The following ARHGAP15 variants were observed in gnomAD, a reference collection of about 807,000 sequenced individuals.
ARHGAP15 encodes the protein Rho GTPase activating protein 15.
In ARHGAP15, 51 loss-of-function variants were observed where a neutral mutation model predicts 63.7. The observed-to-expected ratio is 0.80, with a 90% CI of 0.64 to 1.01. ARHGAP15 has a LOEUF of 1.01. ARHGAP15 is among the 50% of genes least tolerant of loss of function. ARHGAP15 has a pLI of 0.00. For synonymous variants in ARHGAP15, 191 were observed against 193.8 expected, an observed-to-expected ratio of 0.99 and a Z score of 0.12; for missense variants, 560 against 564.6, an observed-to-expected ratio of 0.99 and a Z score of 0.08.
intron 1 of ARHGAP15, among the ~76,000 whole-genome samples, chr2:143,152,863 A>T (rs1457983092): frequency 1.3e-5 from 2 of 151,914 alleles, no homozygotes; most frequent in Non-Finnish European, 2.9e-5. Context: ...TGAGGGCTGG[A>T]GGAGAGACAG....
chr2:143,322,221 A>C (rs541289256), intron 6 of ARHGAP15, among the ~76,000 whole-genome samples: 1 of 152,164 alleles, frequency 6.6e-6, no homozygotes, highest in Non-Finnish European at 1.5e-5. Context: ...ACTCCTAAGC[A>C]GTTTGTTTCT....
intron 13 of ARHGAP15, 22 bp from the exon 14 acceptor site, chr2:143,767,965 ATT>A: frequency 6.3e-7 from 1 of 1,582,952 alleles, no homozygotes; most frequent in Non-Finnish European, 8.6e-7. Context: ...CAGTGAAATT[ATT>A]TTTTTTTCTC....
At chr2:143,594,587 G>T (rs1697441557) in intron 11 of ARHGAP15, among the ~76,000 whole-genome samples, 1 of 152,096 alleles carries the variant, frequency 6.6e-6, no homozygotes, top group African/African-American at 2.4e-5. Flanking sequence ...TCTTATAATT[G>T]ATCAGCTTTG....
At chr2:143,249,799 C>T (rs1680058650) in intron 5 of ARHGAP15, among the ~76,000 whole-genome samples, 2 of 152,214 alleles carry the variant, frequency 1.3e-5, no homozygotes, top group African/African-American at 4.8e-5. Flanking sequence ...GTAATACCCA[C>T]ATTGTAATTG....
chr2:143,377,208 A>G (rs1426393954), intron 6 of ARHGAP15, among the ~76,000 whole-genome samples: 1 of 152,056 alleles, frequency 6.6e-6, no homozygotes, highest in African/African-American at 2.4e-5. Flanking sequence ...GCCAATACTT[A>G]CCAAATGAAG....
At chr2:143,375,914 G>A (rs1450212888) in intron 6 of ARHGAP15, among the ~76,000 whole-genome samples, 3 of 152,270 alleles carry the variant, frequency 2.0e-5, no homozygotes, top group Non-Finnish European at 2.9e-5. Flanking sequence ...TATGAGAAGC[G>A]CAAGCTCTCT....
At chr2:143,419,401 C>A (rs1383237093) in intron 6 of ARHGAP15, among the ~76,000 whole-genome samples, 1 of 151,854 alleles carries the variant, frequency 6.6e-6, no homozygotes, top group Non-Finnish European at 1.5e-5. Context: ...ACAATCTCTT[C>A]TAAGAAAAAC....
At chr2:143,288,075 G>C (rs1574216629) in intron 6 of ARHGAP15, among the ~76,000 whole-genome samples, 1 of 152,200 alleles carries the variant, frequency 6.6e-6, no homozygotes, top group Admixed American at 6.5e-5. Flanking sequence ...AAAGCTCTTT[G>C]CATTTGATGA....
chr2:143,235,099 A>C (rs1156760299), intron 5 of ARHGAP15, among the ~76,000 whole-genome samples: 4 of 152,210 alleles, frequency 2.6e-5, no homozygotes, highest in African/African-American at 7.2e-5. Flanking sequence ...ACTTCATAAG[A>C]ATATGTATTG....
chr2:143,381,213 T>G (rs1457954136), intron 6 of ARHGAP15, among the ~76,000 whole-genome samples: 1 of 152,164 alleles, frequency 6.6e-6, no homozygotes, highest in African/African-American at 2.4e-5. Flanking sequence ...AAGAGTTGTT[T>G]GGCTTTGCTG....
intron 11 of ARHGAP15, among the ~76,000 whole-genome samples, chr2:143,600,794 G>A (rs538241330): frequency 6.8e-4 from 104 of 152,180 alleles, no homozygotes; most frequent in African/African-American, 2.5e-3. Context: ...TGAACTCTCA[G>A]TTGATTTTAG....
intron 6 of ARHGAP15, among the ~76,000 whole-genome samples, chr2:143,287,701 G>T (rs978656101): frequency 6.6e-6 from 1 of 152,008 alleles, no homozygotes; most frequent in African/African-American, 2.4e-5. Flanking sequence ...TACTCGGGAG[G>T]GTGAGGCAGG....
chr2:143,492,842 G>C (rs1692644324), intron 9 of ARHGAP15, among the ~76,000 whole-genome samples: 1 of 152,024 alleles, frequency 6.6e-6, no homozygotes, highest in Non-Finnish European at 1.5e-5. Flanking sequence ...AGATCACGAG[G>C]TCAGGAGATC....
At chr2:143,569,012 A>G (rs1355057342) in intron 11 of ARHGAP15, among the ~76,000 whole-genome samples, 1 of 152,122 alleles carries the variant, frequency 6.6e-6, no homozygotes, top group Non-Finnish European at 1.5e-5. Flanking sequence ...AGGGCCTGTC[A>G]TAGGATGGGG....
intron 11 of ARHGAP15, among the ~76,000 whole-genome samples, chr2:143,617,712 T>G (rs1698502572): frequency 6.6e-6 from 1 of 152,148 alleles, no homozygotes; most frequent in Non-Finnish European, 1.5e-5. Context: ...CGATGCATAT[T>G]TTTGGGTGAT....
intron 6 of ARHGAP15, among the ~76,000 whole-genome samples, chr2:143,282,928 A>G (rs947381595): frequency 1.3e-5 from 2 of 152,148 alleles, no homozygotes; most frequent in Non-Finnish European, 2.9e-5. Context: ...GCCCTTCAAT[A>G]CAATCAGTGA....
intron 12 of ARHGAP15, among the ~76,000 whole-genome samples, chr2:143,625,959 T>C (rs1698818742): frequency 6.6e-6 from 1 of 152,168 alleles, no homozygotes; most frequent in South Asian, 2.1e-4. Flanking sequence ...GTTAGGAAAG[T>C]CATTTTCTTA....
intron 11 of ARHGAP15, among the ~76,000 whole-genome samples, chr2:143,595,816 C>G (rs943402502): frequency 6.6e-6 from 1 of 152,040 alleles, no homozygotes; most frequent in African/African-American, 2.4e-5. Flanking sequence ...AACCTACTTG[C>G]AGAAGAGTAT....
At chr2:143,628,733 C>T (rs1344840365) in intron 12 of ARHGAP15, among the ~76,000 whole-genome samples, 1 of 152,180 alleles carries the variant, frequency 6.6e-6, no homozygotes, top group African/African-American at 2.4e-5. Context: ...TGGTTCTCAG[C>T]TTCTTCTTTA....
Sources: gnomAD v4.1 joint callset for allele counts (sites outside exome capture counted in the v4.1 genomes callset) on GRCh38, gnomAD v4.1.1 for gene constraint, MANE v1.5 for transcripts, NCBI Gene and HGNC (gene_info 2026-07-23, HGNC 2026-07-21) for gene names.